DLG2: variants seen among roughly 807,000 people sequenced by gnomAD.
DLG2 encodes the protein discs large MAGUK scaffold protein 2, also known as disks large homolog 2.
A neutral mutation model predicts 132.5 loss-of-function variants in DLG2; 45 were observed. That is an observed-to-expected ratio of 0.34 (90% confidence interval 0.27 to 0.44). DLG2 has a LOEUF of 0.44. Ranked by LOEUF, DLG2 falls within the 20% of genes least tolerant of loss-of-function variation. DLG2 has a pLI of 1.00. For synonymous variants in DLG2, 424 were observed against 419.6 expected, an observed-to-expected ratio of 1.01 and a Z score of -0.13; for missense variants, 1,045 against 1,196.9, an observed-to-expected ratio of 0.87 and a Z score of 1.87.
At chr11:85,564,126 C>T (rs1451113152) in intron 3 of DLG2, among the ~76,000 whole-genome samples, 1 of 151,998 alleles carries the variant, frequency 6.6e-6, no homozygotes, top group Non-Finnish European at 1.5e-5. Context: ...CATGGTTTGC[C>T]TTCTACAGTT....
At chr11:83,585,082 T>C (rs1262529655) in intron 19 of DLG2, among the ~76,000 whole-genome samples, 3 of 152,202 alleles carry the variant, frequency 2.0e-5, no homozygotes, top group African/African-American at 4.8e-5. Context: ...GGTAGCATTA[T>C]TGCAAATATT....
At chr11:85,354,448 C>T (rs1205899924) in intron 3 of DLG2, among the ~76,000 whole-genome samples, 1 of 152,064 alleles carries the variant, frequency 6.6e-6, no homozygotes, top group Non-Finnish European at 1.5e-5. Flanking sequence ...CACAATGTCA[C>T]CTTCTTATAA....
At chr11:84,704,857 A>T (rs955638727) in intron 6 of DLG2, among the ~76,000 whole-genome samples, 1 of 149,938 alleles carries the variant, frequency 6.7e-6, no homozygotes, top group African/African-American at 2.4e-5. Context: ...TCATATATAT[A>T]TATACACACA....
intron 6 of DLG2, among the ~76,000 whole-genome samples, chr11:85,071,184 G>T (rs909321068): frequency 1.3e-5 from 2 of 151,852 alleles, no homozygotes; most frequent in African/African-American, 4.8e-5. Context: ...GTGGACAGGA[G>T]TTTGCTATCT....
chr11:84,925,771 A>T lies in DLG2; in HGVS notation c.357+185890T>A, dbSNP rs193118081. ...CCAGATTCCCATTTGTAAAATGGGG[A>T]TAACATGTATCTCATAGTGTCCAAT... On this transcript the variant is annotated intron_variant, in intron 6 of 27. Transcript: ENST00000376104. Among the ~76,000 whole-genome samples the T allele has an allele frequency of 5.3e-5, 8 of 152,288 alleles. No individual in the cohort carries two copies. In the East Asian group the frequency reaches 1.5e-3, roughly 29 times the overall value.
chr11:84,332,971 C>T (rs944534087), intron 7 of DLG2, among the ~76,000 whole-genome samples: 2 of 152,128 alleles, frequency 1.3e-5, no homozygotes, highest in Non-Finnish European at 2.9e-5. Context: ...CTTGTTGAGA[C>T]CCAGTAGAAT....
At chr11:84,787,980 T>A (rs918950900) in intron 6 of DLG2, among the ~76,000 whole-genome samples, 2 of 150,568 alleles carry the variant, frequency 1.3e-5, no homozygotes, top group African/African-American at 4.9e-5. Context: ...TGCATGCCTG[T>A]AGTCCCAGTT....
chr11:85,462,202 G>A (rs1376704094), intron 3 of DLG2, among the ~76,000 whole-genome samples: 2 of 152,328 alleles, frequency 1.3e-5, no homozygotes, highest in African/African-American at 2.4e-5. Flanking sequence ...CACTGTTGGT[G>A]GGACGGTAAA....
intron 7 of DLG2, among the ~76,000 whole-genome samples, chr11:84,495,466 T>G (rs1332089939): frequency 6.6e-6 from 1 of 152,140 alleles, no homozygotes; most frequent in Non-Finnish European, 1.5e-5. Context: ...TTTATAACAT[T>G]TTACATGTAT....
chr11:85,003,349 A>G (rs1292141307), intron 6 of DLG2, among the ~76,000 whole-genome samples: 1 of 152,178 alleles, frequency 6.6e-6, no homozygotes, highest in Non-Finnish European at 1.5e-5. Context: ...AGAAGTAGTT[A>G]ATACCACATG....
At chr11:84,626,928 G>C (rs768383895) in intron 6 of DLG2, among the ~76,000 whole-genome samples, 9 of 147,740 alleles carry the variant, frequency 6.1e-5, no homozygotes, top group Non-Finnish European at 1.2e-4. Context: ...CTGGAGTGCA[G>C]AGGCACAATC....
intron 18 of DLG2, among the ~76,000 whole-genome samples, chr11:83,703,124 C>T (rs2083259012): frequency 6.6e-6 from 1 of 152,220 alleles, no homozygotes; most frequent in Non-Finnish European, 1.5e-5. Flanking sequence ...GCATCTTTAA[C>T]TGGTTAAAGC....
At chr11:84,002,348 C>G (rs1472680563) in intron 11 of DLG2, among the ~76,000 whole-genome samples, 1 of 152,126 alleles carries the variant, frequency 6.6e-6, no homozygotes, top group Non-Finnish European at 1.5e-5. Flanking sequence ...TAGGTAGTAC[C>G]CCAGTGGGGA....
chr11:85,497,177 T>A (rs1026212766), intron 3 of DLG2, among the ~76,000 whole-genome samples: 8 of 151,920 alleles, frequency 5.3e-5, no homozygotes, highest in Non-Finnish European at 8.8e-5. Flanking sequence ...AGTTAAATCC[T>A]TGAAAAAAGG....
At chr11:84,236,929 T>C (rs1598102261) in intron 8 of DLG2, among the ~76,000 whole-genome samples, 1 of 137,618 alleles carries the variant, frequency 7.3e-6, no homozygotes, top group African/African-American at 3.0e-5. Flanking sequence ...GTATGTTTTT[T>C]TTTTTGTTTT....
intron 6 of DLG2, among the ~76,000 whole-genome samples, chr11:84,722,405 G>A (rs146043395): frequency 6.6e-6 from 1 of 152,166 alleles, no homozygotes; most frequent in Non-Finnish European, 1.5e-5. Context: ...TAAATGTATT[G>A]GTTAGAACAA....
At position 84,184,358 on chromosome 11, in the gene DLG2, G is replaced by A. The variant is rs1467927631; in HGVS notation, c.574-20847C>T. ...TGAGCATTTTTTCATGTGTCTTTTG[G>A]CTGCATAAATGTCTTCTTTTGAGAA... On this transcript the variant is annotated intron_variant, in intron 8 of 27. Transcript: ENST00000376104. Among the ~76,000 whole-genome samples the A allele has an allele frequency of 3.3e-5, 5 of 152,138 alleles. No homozygotes were observed. In the South Asian group the frequency reaches 1.0e-3, roughly 32 times the overall value.
chr11:83,876,706 C>T (rs1192319424), intron 15 of DLG2, among the ~76,000 whole-genome samples: 1 of 152,038 alleles, frequency 6.6e-6, no homozygotes. Context: ...GAGCCAGAGT[C>T]CAAACTAAAG....
At chr11:83,913,526 T>G (rs1280103068) in intron 15 of DLG2, among the ~76,000 whole-genome samples, 3 of 152,054 alleles carry the variant, frequency 2.0e-5, no homozygotes, top group African/African-American at 7.2e-5. Flanking sequence ...ATAATAATAA[T>G]GTAGGCTAAT....
Sources: allele counts gnomAD v4.1 joint callset (sites outside exome capture counted in the v4.1 genomes callset), GRCh38; gene constraint gnomAD v4.1.1; transcripts MANE v1.5; gene names NCBI Gene and HGNC (gene_info 2026-07-23, HGNC 2026-07-21).